Variants in CHRD observed in about 807,000 individuals in gnomAD.
CHRD encodes the protein chordin.
In CHRD, 69 loss-of-function variants were observed where a neutral mutation model predicts 113.7. That is an observed-to-expected ratio of 0.61 (90% CI 0.50 to 0.74). The LOEUF (loss-of-function observed/expected upper bound fraction) is 0.74, where lower values mean the gene tolerates loss of function less well. Among genes scored for constraint, CHRD ranks in the 30% least tolerant of loss-of-function variants. CHRD has a pLI of 0.00. For synonymous variants in CHRD, 561 were observed against 540.8 expected, an observed-to-expected ratio of 1.04 and a Z score of -0.52; for missense variants, 1,194 against 1,295.8, an observed-to-expected ratio of 0.92 and a Z score of 1.21.
At chr3:184,383,360 C>T (rs770711370) in exon 11 of CHRD, 18 of 1,613,864 alleles carry the variant, frequency 1.1e-5, no homozygotes, top group South Asian at 2.2e-5. Flanking sequence ...CCAGTCCAGA[C>T]GGGTGCTGCC....
At position 184,385,008 on chromosome 3, in the gene CHRD, C is replaced by A; in HGVS notation, c.1598-10C>A. On this transcript the variant is annotated splice_polypyrimidine_tract_variant and intron_variant, in intron 13 of 22. Coordinates refer to ENST00000204604, the Ensembl canonical transcript of CHRD. ...TTCTCACCTGTCATCTCTCCTCTGTCTGGACCCAGCGCTGCCCGTGCCCCT... is the reference window on the plus strand; with the variant it reads ...TTCTCACCTGTCATCTCTCCTCTGTATGGACCCAGCGCTGCCCGTGCCCCT... 6.2e-7 allele frequency: 1 copy of A among 1,613,222 alleles called. No individual in the cohort carries two copies. Among genetic ancestry groups the A allele is most frequent in the Non-Finnish European group, 8.5e-7 (1 of 1,179,662 alleles).
Position 184,380,194 on chromosome 3 carries a change from G to GCCCCGT in CHRD, c.-120_-119insTCCCCG, listed in dbSNP as rs1715041423. On this transcript the variant is annotated 5_prime_UTR_variant, in exon 1 of 23. Coordinates refer to ENST00000204604, the Ensembl canonical transcript of CHRD. The surrounding 1 kb of genome is among the most constrained non-coding windows in gnomAD (Gnocchi z 6.3). Reference sequence around the variant, plus strand: ...CGGCACTGCCCCGGCCCCGGCCCCGGCCCCGGCCCCCTCCCGCCGCACCGC... The same window carrying GCCCCGT: ...CGGCACTGCCCCGGCCCCGGCCCCGGCCCCGTCCCCGGCCCCCTCCCGCCGCACCGC... 5.6e-6 allele frequency: 1 copy of GCCCCGT among 178,986 alleles called. No individual in the cohort carries two copies. The highest frequency in any genetic ancestry group is 1.0e-5 in the Non-Finnish European group (1 of 98,912). The allele number at this position is 178,986 out of a possible 1,614,324, so 11.1% of individuals were successfully genotyped here.
rs1716573209 is a variant in CHRD at position 184,387,868 on chromosome 3, G to A, written c.2452-63G>A. 6 of 1,389,956 alleles carry A rather than the reference G, an allele frequency of 4.3e-6. No individual in the cohort carries two copies. The highest frequency in any genetic ancestry group is 2.4e-5 in the East Asian group (1 of 42,122). 86.1% of individuals were successfully genotyped at this position (1,389,956 alleles called of 1,614,324 possible). ...TGCATTTGAGGTGTGGAATAGGAGAGGGAGTGGGCAGGAGGCTTATGTGCC... is the reference window on the plus strand; with the variant it reads ...TGCATTTGAGGTGTGGAATAGGAGAAGGAGTGGGCAGGAGGCTTATGTGCC... On this transcript the variant is annotated intron_variant, in intron 19 of 22. Transcript: ENST00000204604. The surrounding 1 kb of genome is among the most constrained non-coding windows in gnomAD (Gnocchi z 6.1).
rs200272021 is a variant in CHRD, at chr3:184,381,458, G to A, written c.383-38G>A. ...GGGCGTCGGACTGGCCTTTCCCATGGCCAGCTGAAGCCCGTGTTCTTACCC... is the reference window on the plus strand; with the variant it reads ...GGGCGTCGGACTGGCCTTTCCCATGACCAGCTGAAGCCCGTGTTCTTACCC... On this transcript the variant is annotated intron_variant, in intron 3 of 22. Coordinates refer to ENST00000204604, the Ensembl canonical transcript of CHRD. This position sits in a 1 kb window ranked among gnomAD's most constrained non-coding sequence, Gnocchi z 4.7. 1.4e-4 allele frequency: 224 copies of A among 1,587,824 alleles called. No individual in the cohort carries two copies. Among genetic ancestry groups the A allele is most frequent in the Non-Finnish European group, 1.8e-4 (206 of 1,167,152 alleles).
chr3:184,384,684 C>T lies in CHRD; in HGVS notation c.1588C>T (p.Arg530Cys), dbSNP rs773857037. 7.0e-6 allele frequency: 11 copies of T among 1,564,100 alleles called. No individual in the cohort carries two copies. The highest frequency in any genetic ancestry group is 2.7e-5 in the African/African-American group (2 of 73,398). ...CCTGCCCTACTGTGGGCATAGCGCC[C>T]GCCATGACAGTGAGTGTCCTTAGGG... The change falls in exon 13 of 23, where the codon CGC becomes TGC. Residue 530 changes from arginine to cysteine, a missense_variant. Arg to Cys is a radical substitution (Grantham distance 180). Transcript: ENST00000204604. This position sits in a 1 kb window ranked among gnomAD's most constrained non-coding sequence, Gnocchi z 4.4.
At position 184,388,185 on chromosome 3, in the gene CHRD, ATG is replaced by A; in HGVS notation, c.2554+155_2554+156del. On this transcript the variant is annotated intron_variant, in intron 20 of 22. Coordinates refer to ENST00000204604, the Ensembl canonical transcript of CHRD. The surrounding 1 kb of genome is among the most constrained non-coding windows in gnomAD (Gnocchi z 6.1). ...CAGGACTCTAAATGCAGTGGAAAGA[ATG>A]TGATATACTAGTGGGGTATGATGGG... The A allele has an allele frequency of 1.4e-6, 1 of 700,442 alleles. No individual in the cohort carries two copies. Among genetic ancestry groups the A allele is most frequent in the Non-Finnish European group, 2.5e-6 (1 of 403,172 alleles). 43.4% of individuals were successfully genotyped at this position (700,442 alleles called of 1,614,324 possible). A position where few individuals can be genotyped will look rare whatever the true frequency, so the allele number is the denominator to read the frequency against.
Position 184,380,844 on chromosome 3 carries a change from G to C in CHRD, c.252+49G>C, listed in dbSNP as rs760671906. On this transcript the variant is annotated intron_variant, in intron 2 of 22. Coordinates refer to ENST00000204604, the Ensembl canonical transcript of CHRD. This position sits in a 1 kb window ranked among gnomAD's most constrained non-coding sequence, Gnocchi z 6.3. ...CGGGCCCTGGCGGGTGGGGAGCGCC[G>C]GGTCGCGCGGGCGTCGGAGTGGACT... The C allele has an allele frequency of 2.7e-5, 38 of 1,409,630 alleles. No individual in the cohort carries two copies. Among genetic ancestry groups the C allele is most frequent in the Non-Finnish European group, 1.0e-5 (11 of 1,049,950 alleles). 87.3% of individuals were successfully genotyped at this position (1,409,630 alleles called of 1,614,324 possible).
chr3:184,380,941 C>T lies in CHRD; in HGVS notation c.252+146C>T. The T allele has an allele frequency of 1.3e-6, 1 of 755,514 alleles. No individual in the cohort carries two copies. Among genetic ancestry groups the T allele is most frequent in the Non-Finnish European group, 2.3e-6 (1 of 437,604 alleles). 46.8% of individuals were successfully genotyped at this position (755,514 alleles called of 1,614,324 possible). ...TTCTGGTGGAGGAAGGGGAATCAGC[C>T]CCTCCAATTCTTAGGTGCTGTTACT... is the stretch of plus-strand genomic sequence containing the variant. On this transcript the variant is annotated intron_variant, in intron 2 of 22. Transcript: ENST00000204604. The surrounding 1 kb of genome is among the most constrained non-coding windows in gnomAD (Gnocchi z 6.3).
Position 184,384,040 on chromosome 3 carries a change from G to A in CHRD, c.1440+398G>A, listed in dbSNP as rs1164279720. Among the ~76,000 whole-genome samples the A allele has an allele frequency of 1.3e-5, 2 of 152,160 alleles. No individual in the cohort carries two copies. Among genetic ancestry groups the A allele is most frequent in the Non-Finnish European group, 2.9e-5 (2 of 68,032 alleles). ...TCCGCCCACTTCGGCCTCCCAAAGT[G>A]CTGGGATTACAGGCGAGAGCCACCG... On this transcript the variant is annotated intron_variant, in intron 12 of 22. Transcript: ENST00000204604. The surrounding 1 kb of genome is among the most constrained non-coding windows in gnomAD (Gnocchi z 4.4).
chr3:184,381,121 C>G lies in CHRD; in HGVS notation c.253-114C>G. The G allele has an allele frequency of 8.2e-7, 1 of 1,219,582 alleles. No individual in the cohort carries two copies. Among genetic ancestry groups the G allele is most frequent in the Non-Finnish European group, 1.2e-6 (1 of 829,770 alleles). The allele number at this position is 1,219,582 out of a possible 1,614,324, so 75.5% of individuals were successfully genotyped here. On this transcript the variant is annotated intron_variant, in intron 2 of 22. Coordinates refer to ENST00000204604, the Ensembl canonical transcript of CHRD. This position sits in a 1 kb window ranked among gnomAD's most constrained non-coding sequence, Gnocchi z 4.7. ...AGAGATGAAGTAGCTTGTCTAGGGT[C>G]ACGCAGCTTGTAAGTGGCAGAGCTG...
rs1194005600 is a variant in CHRD, at chr3:184,381,857, C to A, written c.611+42C>A. On this transcript the variant is annotated intron_variant, in intron 5 of 22. Transcript: ENST00000204604. The surrounding 1 kb of genome is among the most constrained non-coding windows in gnomAD (Gnocchi z 4.7). ...AGCAAGGAGGGGTCAGCTGCCGGGG[C>A]CCGGGAGGGAAACTGGGAGAGCTGG... 2 of 1,608,582 alleles carry A rather than the reference C, an allele frequency of 1.2e-6. No individual in the cohort carries two copies. The highest frequency in any genetic ancestry group is 1.7e-6 in the Non-Finnish European group (2 of 1,177,998).
Position 184,388,026 on chromosome 3 carries a change from G to T in CHRD, c.2547G>T (p.Gln849His). 6.2e-7 allele frequency: 1 copy of T among 1,613,220 alleles called. No homozygotes were observed. The change falls in exon 20 of 23, where the codon CAG (glutamine) becomes CAT (histidine). Residue 849 changes from glutamine (Q) to histidine (H), a missense_variant. Coordinates refer to ENST00000204604, the Ensembl canonical transcript of CHRD. The surrounding 1 kb of genome is among the most constrained non-coding windows in gnomAD (Gnocchi z 6.1). ...TCAACCCCACCGACTGCTGCAAACAGTGTCCAGGTGAGAGAGGTGGCTGAG... is the reference window on the plus strand; with the variant it reads ...TCAACCCCACCGACTGCTGCAAACATTGTCCAGGTGAGAGAGGTGGCTGAG...
In CHRD at chr3:184,387,124, C is replaced by T. The variant is rs755758709; in HGVS notation, c.2347+17C>T. The T allele has an allele frequency of 2.1e-5, 34 of 1,611,358 alleles. No homozygotes were observed. Among genetic ancestry groups the T allele is most frequent in the Non-Finnish European group, 2.7e-5 (32 of 1,177,868 alleles). ...CAGGAGAGGGTGAGCTGGAAGGGTG[C>T]GTGCAGGGTGGGAGGCCCCAGAGGA... On this transcript the variant is annotated intron_variant, in intron 18 of 22. Coordinates refer to ENST00000204604, the Ensembl canonical transcript of CHRD. The surrounding 1 kb of genome is among the most constrained non-coding windows in gnomAD (Gnocchi z 6.1).
chr3:184,389,610 C>T (rs1009858352), exon 23 of CHRD: 9 of 590,974 alleles, frequency 1.5e-5, no homozygotes, highest in Admixed American at 8.8e-5. Context: ...TGGGCCAGAC[C>T]GAGGTCACAG....
At chr3:184,389,315 G>T in intron 22 of CHRD, 52 bp from the exon 23 acceptor site, 1 of 1,565,692 alleles carries the variant, frequency 6.4e-7, no homozygotes. Context: ...GCCTCTCTGT[G>T]CCTCTCCACT....
Position 184,388,026 on chromosome 3 carries a change from G to C in CHRD, c.2547G>C (p.Gln849His), listed in dbSNP as rs1309985769. The change falls in exon 20 of 23, where the codon CAG becomes CAC. Residue 849 changes from glutamine to histidine, a missense_variant. Physicochemically the swap from Gln to His is conservative, Grantham distance 24. Transcript: ENST00000204604. The surrounding 1 kb of genome is among the most constrained non-coding windows in gnomAD (Gnocchi z 6.1). ...TCAACCCCACCGACTGCTGCAAACAGTGTCCAGGTGAGAGAGGTGGCTGAG... is the reference window on the plus strand; with the variant it reads ...TCAACCCCACCGACTGCTGCAAACACTGTCCAGGTGAGAGAGGTGGCTGAG... 6.2e-7 allele frequency: 1 copy of C among 1,613,220 alleles called. No individual in the cohort carries two copies. Among genetic ancestry groups the C allele is most frequent in the Non-Finnish European group, 8.5e-7 (1 of 1,179,762 alleles).
chr3:184,388,871 TG>T lies in CHRD; in HGVS notation c.2710-21del. 6.2e-7 allele frequency: 1 copy of T among 1,609,234 alleles called. No individual in the cohort carries two copies. The highest frequency in any genetic ancestry group is 8.5e-7 in the Non-Finnish European group (1 of 1,176,326). ...CCCAGTGCCTCTGGGGGACACTCAG[TG>T]TCTGCTCTGTCTTGTACCAGGCAGG... On this transcript the variant is annotated intron_variant, in intron 21 of 22. Coordinates refer to ENST00000204604, the Ensembl canonical transcript of CHRD. The surrounding 1 kb of genome is among the most constrained non-coding windows in gnomAD (Gnocchi z 6.1).
exon 15 of CHRD, chr3:184,386,051 G>C (rs34052076): frequency 6.2e-7 from 1 of 1,614,182 alleles, no homozygotes; most frequent in Admixed American, 1.7e-5. Context: ...TGCAGGCCCA[G>C]GGTGTGGTGA....
Position 184,380,233 on chromosome 3 carries a change from C to T in CHRD, c.-86C>T, listed in dbSNP as rs2108634884. 2.0e-6 allele frequency: 1 copy of T among 493,226 alleles called. No individual in the cohort carries two copies. The highest frequency in any genetic ancestry group is 2.2e-5 in the African/African-American group (1 of 46,236). The allele number at this position is 493,226 out of a possible 1,614,324, so 30.6% of individuals were successfully genotyped here. A position where few individuals can be genotyped will look rare whatever the true frequency, so the allele number is the denominator to read the frequency against. On this transcript the variant is annotated 5_prime_UTR_variant, in exon 1 of 23. Transcript: ENST00000204604. This position sits in a 1 kb window ranked among gnomAD's most constrained non-coding sequence, Gnocchi z 6.3. ...CCGCCGCACCGCCCCCGGCCCGGCC[C>T]TCCGCCCTCCGCACTCCCGCCTCCC...
Sources: gnomAD v4.1 joint callset for allele counts (sites outside exome capture counted in the v4.1 genomes callset) on GRCh38, gnomAD v4.1.1 for gene constraint, Gnocchi (gnomAD v3.1) non-coding constraint, MANE v1.5 for transcripts, NCBI Gene and HGNC (gene_info 2026-07-23, HGNC 2026-07-21) for gene names.